Variants in ARHGAP19 observed in about 807,000 individuals in gnomAD.
ARHGAP19 encodes the protein rho GTPase-activating protein 19.
ARHGAP19 carries 48 observed loss-of-function variants against 60.9 expected under a neutral mutation model. The ratio of observed to expected loss-of-function variants is 0.79; its 90% CI spans 0.62 to 1.00. The LOEUF (loss-of-function observed/expected upper bound fraction) is 1.00. Ranked by LOEUF, ARHGAP19 falls within the 50% of genes least tolerant of loss-of-function variation. The probability of loss-of-function intolerance (pLI) is 0.00; values close to 1 mark genes in which losing one functional copy is unlikely to be tolerated. For synonymous variants in ARHGAP19, 209 were observed against 215.5 expected (o/e 0.97, Z 0.27); for missense variants, 562 against 597.2 (o/e 0.94, Z 0.61).
chr10:97,270,628 G>A (rs200708550), intron 1 of ARHGAP19: 134 of 1,548,706 alleles, frequency 8.7e-5, no homozygotes, highest in Non-Finnish European at 1.1e-4. Flanking sequence ...AGTTTCTGAT[G>A]AGGCATTGGT....
At chr10:97,286,133 A>G (rs10882889) in intron 1 of ARHGAP19, among the ~76,000 whole-genome samples, 75,541 of 152,144 alleles carry the variant, frequency 0.5, 20,970 homozygotes, top group East Asian at 0.72. Flanking sequence ...ATTACCCTTC[A>G]GATAGAATTT....
intron 6 of ARHGAP19, among the ~76,000 whole-genome samples, chr10:97,252,553 G>C (rs1051045582): frequency 4.0e-5 from 6 of 151,700 alleles, no homozygotes; most frequent in African/African-American, 1.5e-4. Flanking sequence ...GAACCTGGGA[G>C]GCAGAGCTTG....
At chr10:97,251,144 A>T (rs1202069657) in intron 6 of ARHGAP19, among the ~76,000 whole-genome samples, 11 of 102,116 alleles carry the variant, frequency 1.1e-4, no homozygotes, top group Admixed American at 4.0e-4. Flanking sequence ...AAGGGAAGAG[A>T]AGGGGAAAGC....
chr10:97,245,359 A>T (rs1213312808), intron 7 of ARHGAP19, among the ~76,000 whole-genome samples: 1 of 151,974 alleles, frequency 6.6e-6, no homozygotes, highest in African/African-American at 2.4e-5. Context: ...GATGTGGTGG[A>T]TCACGCCTGT....
chr10:97,283,054 G>A (rs1419661027), intron 1 of ARHGAP19, among the ~76,000 whole-genome samples: 1 of 150,800 alleles, frequency 6.6e-6, no homozygotes, highest in Non-Finnish European at 1.5e-5. Context: ...TATTGGCCAG[G>A]CTGGTCTTGA....
At chr10:97,261,454 G>T (rs1232121901) in intron 4 of ARHGAP19, among the ~76,000 whole-genome samples, 1 of 152,094 alleles carries the variant, frequency 6.6e-6, no homozygotes, top group African/African-American at 2.4e-5. Context: ...TGCACTAAAC[G>T]AATGAACTGA....
chr10:97,255,937 A>C (rs1308172839), intron 6 of ARHGAP19, among the ~76,000 whole-genome samples: 1 of 152,226 alleles, frequency 6.6e-6, no homozygotes, highest in African/African-American at 2.4e-5. Flanking sequence ...TGTCAGCAGA[A>C]ATACAGCCTG....
chr10:97,260,488 C>T (rs1253348252), intron 4 of ARHGAP19, among the ~76,000 whole-genome samples: 1 of 151,816 alleles, frequency 6.6e-6, no homozygotes, highest in Non-Finnish European at 1.5e-5. Context: ...CGAGATCATG[C>T]CCCTGCACTC....
At chr10:97,280,145 A>T (rs1843064950) in intron 1 of ARHGAP19, among the ~76,000 whole-genome samples, 1 of 152,148 alleles carries the variant, frequency 6.6e-6, no homozygotes, top group Admixed American at 6.5e-5. Context: ...AGTGGTTCAC[A>T]TCTGTAATCC....
intron 6 of ARHGAP19, among the ~76,000 whole-genome samples, chr10:97,251,610 A>G (rs1312962323): frequency 5.9e-5 from 1 of 16,972 alleles, no homozygotes; most frequent in South Asian, 4.1e-3. Flanking sequence ...GGGAAGGGGA[A>G]GGGAAGGGGA....
Position 97,225,841 on chromosome 10 carries a change from C to T in ARHGAP19, c.*281G>A. ...TAAACACATTGAGTGAGCACTGAAG[C>T]CCACCTTAGTGTGCTGTATAAGCTG... is the stretch of plus-strand genomic sequence containing the variant. On this transcript the variant is annotated 3_prime_UTR_variant, in exon 12 of 12. Coordinates refer to ENST00000358531, the MANE Select transcript of ARHGAP19 (RefSeq NM_032900.6). The T allele has an allele frequency of 2.5e-6, 1 of 399,900 alleles. No individual in the cohort carries two copies. 24.8% of individuals were successfully genotyped at this position (399,900 alleles called of 1,614,324 possible).
In ARHGAP19 at chr10:97,265,920, G is replaced by GC. The variant is rs767899310; in HGVS notation, c.261dup (p.Pro88AlafsTer43). The GC allele has an allele frequency of 1.2e-5, 19 of 1,613,968 alleles. No homozygotes were observed. The highest frequency in any genetic ancestry group is 1.6e-4 in the Middle Eastern group (1 of 6,084). The stretch of plus-strand genomic sequence containing the variant: ...CCTGATGCTGGGCCAGCCCCGCCAG[G>GC]CAACTTAAGGTCCACTTCCCCCATC... On this transcript the variant is annotated frameshift_variant, in exon 2 of 12. Coordinates refer to ENST00000358531, the MANE Select transcript of ARHGAP19 (RefSeq NM_032900.6). LOFTEE classifies it high-confidence loss of function.
intron 9 of ARHGAP19, among the ~76,000 whole-genome samples, chr10:97,233,494 C>G (rs1851065160): frequency 6.6e-6 from 1 of 152,006 alleles, no homozygotes; most frequent in Non-Finnish European, 1.5e-5. Context: ...GGGCAAAACA[C>G]CAAAAATAAA....
Position 97,292,448 on chromosome 10 carries a change from T to G in ARHGAP19, c.56+124A>C, listed in dbSNP as rs931390870. On this transcript the variant is annotated intron_variant, in intron 1 of 11. Transcript: ENST00000358531. The stretch of plus-strand genomic sequence containing the variant: ...GCCTCAGCCCCCGCAGGCGCGACGA[T>G]GAGAAACGCCGTGGGAGAAAGAAAC... 491 of 1,290,080 alleles carry G rather than the reference T, an allele frequency of 3.8e-4. 2 individuals are homozygous for G. Among genetic ancestry groups the G allele is most frequent in the South Asian group, 1.0e-3 (83 of 80,462 alleles). 79.9% of individuals were successfully genotyped at this position (1,290,080 alleles called of 1,614,324 possible). A position where few individuals can be genotyped will look rare whatever the true frequency, so the allele number is the denominator to read the frequency against.
chr10:97,255,569 C>T (rs1410390810), intron 6 of ARHGAP19, among the ~76,000 whole-genome samples: 1 of 151,780 alleles, frequency 6.6e-6, no homozygotes, highest in African/African-American at 2.4e-5. Flanking sequence ...AGAGTGAGAC[C>T]TTGTCTGAAA....
rs1368404746 is a variant in ARHGAP19, at chr10:97,288,003, G to A, written c.56+4569C>T. Among the ~76,000 whole-genome samples the A allele has an allele frequency of 3.9e-5, 6 of 152,140 alleles. No homozygotes were observed. In the East Asian group the frequency reaches 7.7e-4, roughly 20 times the overall value. On this transcript the variant is annotated intron_variant, in intron 1 of 11. Transcript: ENST00000358531. ...TTTGAACCCAGGAGGTGGAGGTTGC[G>A]GTGAGCCAAGATCGTGCCATTGCAT...
intron 1 of ARHGAP19, among the ~76,000 whole-genome samples, chr10:97,286,804 T>C (rs1393866056): frequency 4.6e-5 from 7 of 152,242 alleles, no homozygotes; most frequent in Non-Finnish European, 1.0e-4. Context: ...AATTAAAAAA[T>C]ACTAAGCTGT....
At chr10:97,235,138 A>G in intron 9 of ARHGAP19, 79 bp downstream of exon 9, 1 of 1,397,480 alleles carries the variant, frequency 7.2e-7, no homozygotes, top group Non-Finnish European at 9.9e-7. Flanking sequence ...AACAGAAGAA[A>G]ACTTTTTATG....
chr10:97,226,919 T>C (rs750126335), intron 11 of ARHGAP19, among the ~76,000 whole-genome samples: 2 of 152,182 alleles, frequency 1.3e-5, no homozygotes, highest in South Asian at 4.1e-4. Flanking sequence ...AATCAGTGGT[T>C]CTCATGTGGA....
Sources: allele counts gnomAD v4.1 joint callset (sites outside exome capture counted in the v4.1 genomes callset), GRCh38; gene constraint gnomAD v4.1.1; transcripts MANE v1.5; gene names NCBI Gene and HGNC (gene_info 2026-07-23, HGNC 2026-07-21).